Variants in MAP4 observed in about 807,000 individuals in gnomAD.
The protein encoded by MAP4 is microtubule associated protein 4.
A neutral mutation model predicts 170.2 loss-of-function variants in MAP4; 76 were observed. That is an observed-to-expected ratio of 0.45 (90% CI 0.37 to 0.54). The LOEUF (loss-of-function observed/expected upper bound fraction) is 0.54. MAP4 is among the 20% of genes least tolerant of loss of function. The pLI, the probability that MAP4 is intolerant of heterozygous loss-of-function variation, is 0.00. For missense variants in MAP4, 2,506 were observed against 2,748.0 expected (o/e 0.91, Z 1.97); for synonymous variants, 909 against 994.5 (o/e 0.91, Z 1.62).
At chr3:48,006,660 A>G (rs2100102490) in intron 1 of MAP4, among the ~76,000 whole-genome samples, 2 of 152,310 alleles carry the variant, frequency 1.3e-5, no homozygotes, top group African/African-American at 2.4e-5. Flanking sequence ...ATCAAAAACA[A>G]TATCACATCC....
chr3:47,975,442 A>ACTGGTCTG (rs1215863096), intron 3 of MAP4: 3 of 1,568,966 alleles, frequency 1.9e-6, no homozygotes, highest in Non-Finnish European at 2.6e-6. Context: ...CAGCAGCCCC[A>ACTGGTCTG]GTGTTGAGAG....
intron 1 of MAP4, among the ~76,000 whole-genome samples, chr3:48,088,414 C>T (rs2100150515): frequency 6.6e-6 from 1 of 152,178 alleles, no homozygotes; most frequent in Non-Finnish European, 1.5e-5. Context: ...CACCTCCGAA[C>T]CCCACCCAGG....
At chr3:47,879,150 T>C (rs959463820) in intron 10 of MAP4, among the ~76,000 whole-genome samples, 2 of 152,020 alleles carry the variant, frequency 1.3e-5, no homozygotes, top group African/African-American at 4.8e-5. Context: ...CTGGTTATTA[T>C]GGTAGAAATA....
At chr3:48,067,547 T>C (rs1172081333) in intron 1 of MAP4, among the ~76,000 whole-genome samples, 4 of 151,952 alleles carry the variant, frequency 2.6e-5, no homozygotes, top group African/African-American at 4.8e-5. Context: ...GGTTTAAAAA[T>C]ATAGAGGCGG....
intron 10 of MAP4, among the ~76,000 whole-genome samples, chr3:47,886,999 T>A (rs1395630362): frequency 6.6e-6 from 1 of 152,234 alleles, no homozygotes; most frequent in Non-Finnish European, 1.5e-5. Context: ...TCATAGGCAG[T>A]CACCACAGTT....
intron 9 of MAP4, among the ~76,000 whole-genome samples, chr3:47,904,234 T>C (rs1485251823): frequency 3.9e-5 from 6 of 152,218 alleles, no homozygotes; most frequent in Non-Finnish European, 5.9e-5. Context: ...AGTGTTATTT[T>C]ATGTGTGTGT....
At chr3:47,891,132 G>C in intron 10 of MAP4, 2 of 1,536,200 alleles carry the variant, frequency 1.3e-6, no homozygotes, top group Non-Finnish European at 8.7e-7. Flanking sequence ...TTCTCTCCTC[G>C]CTGGCAAACC....
At chr3:47,856,794 T>G (rs577190126) in intron 18 of MAP4, among the ~76,000 whole-genome samples, 5 of 152,358 alleles carry the variant, frequency 3.3e-5, no homozygotes, top group African/African-American at 4.8e-5. Flanking sequence ...ATACCAGGTC[T>G]GCCAGCCAGT....
chr3:47,959,183 TGGCCGG>T (rs2100069814), intron 3 of MAP4, among the ~76,000 whole-genome samples: 2 of 151,694 alleles, frequency 1.3e-5, no homozygotes, highest in Non-Finnish European at 2.9e-5. Context: ...TACATGAAGG[TGGCCGG>T]GTGTGGTAAC....
chr3:48,048,889 G>T (rs1176725753), intron 1 of MAP4, among the ~76,000 whole-genome samples: 1 of 152,068 alleles, frequency 6.6e-6, no homozygotes, highest in Non-Finnish European at 1.5e-5. Context: ...TCAAGATACA[G>T]AACTGTTCTG....
At chr3:47,890,794 A>C (rs1000377012) in intron 10 of MAP4, among the ~76,000 whole-genome samples, 2 of 152,150 alleles carry the variant, frequency 1.3e-5, no homozygotes, top group Admixed American at 6.5e-5. Context: ...CACTCAATTC[A>C]CATTATCTGT....
intron 1 of MAP4, among the ~76,000 whole-genome samples, chr3:48,065,708 A>G (rs1579743236): frequency 6.6e-6 from 1 of 152,236 alleles, no homozygotes; most frequent in Non-Finnish European, 1.5e-5. Context: ...TAAGCCAATG[A>G]CTGTCAAGTC....
At position 47,909,818 on chromosome 3, in the gene MAP4, C is replaced by T; in HGVS notation, c.4603G>A (p.Asp1535Asn). The change falls in exon 9 of 21, where the codon GAT becomes AAT. Residue 1535 changes from aspartate (D) to asparagine (N), a missense_variant. Around this residue, in one of 3 missense-constraint regions of MAP4, gnomAD observed 2,008 missense variants for 2,206.0 expected, o/e 0.91. Transcript: ENST00000683076. Reference protein sequence around the residue: ...HSLKNKAELADSMKNEAGIDE... With the variant: ...HSLKNKAELANSMKNEAGIDE... ...ATCCCTGCTTCATTTTTCATGGAAT[C>T]AGCAAGCTCAGCTTTATTCTTAAGA... 1.2e-6 allele frequency: 2 copies of T among 1,614,030 alleles called. No homozygotes were observed. Among genetic ancestry groups the T allele is most frequent in the Non-Finnish European group, 1.7e-6 (2 of 1,179,886 alleles).
At chr3:47,934,707 G>A (rs1559514440) in intron 3 of MAP4, among the ~76,000 whole-genome samples, 1 of 151,910 alleles carries the variant, frequency 6.6e-6, no homozygotes, top group Non-Finnish European at 1.5e-5. Context: ...TTGTTTTTTT[G>A]TTTTTTTCCC....
chr3:47,912,343 G>A lies in MAP4; in HGVS notation c.2078C>T (p.Pro693Leu). The A allele has an allele frequency of 1.3e-6, 2 of 1,536,026 alleles. No homozygotes were observed. Among genetic ancestry groups the A allele is most frequent in the Admixed American group, 3.9e-5 (2 of 50,990 alleles). Residue 693 changes from proline to leucine, a missense_variant, in exon 9 of 21, where the codon CCC (proline) becomes CTC (leucine). Pro to Leu is a moderately conservative substitution (Grantham distance 98). Transcript: ENST00000683076. Reference sequence around the variant, plus strand: ...CTCAGGAGGGACCCTGGCAGGCTTGGGCCGGGTTGACCTGCGGTCACTGGG... The same window carrying A: ...CTCAGGAGGGACCCTGGCAGGCTTGAGCCGGGTTGACCTGCGGTCACTGGG... ...CRPSDRRSTR[P>L]KPARVPPELL...
At chr3:47,917,494 G>C (rs1413784022) in intron 6 of MAP4, among the ~76,000 whole-genome samples, 1 of 151,250 alleles carries the variant, frequency 6.6e-6, no homozygotes, top group Non-Finnish European at 1.5e-5. Flanking sequence ...GCTGAAGCAG[G>C]AGAATTGCTA....
chr3:48,064,514 C>G (rs76189601), intron 1 of MAP4, among the ~76,000 whole-genome samples: 1 of 152,210 alleles, frequency 6.6e-6, no homozygotes, highest in Middle Eastern at 3.4e-3. Context: ...AATAATAAAA[C>G]TCTGGTCTCC....
At chr3:47,920,922 C>G (rs1207411352) in intron 5 of MAP4, among the ~76,000 whole-genome samples, 2 of 152,140 alleles carry the variant, frequency 1.3e-5, no homozygotes, top group Admixed American at 6.6e-5. Context: ...CTTTGGGAGG[C>G]TGAAGCGGGT....
chr3:48,077,076 G>T (rs751785872), intron 1 of MAP4, among the ~76,000 whole-genome samples: 2 of 152,032 alleles, frequency 1.3e-5, no homozygotes, highest in African/African-American at 2.4e-5. Flanking sequence ...GAGCCCTGGA[G>T]GTCAAGGCTG....
Sources: allele counts gnomAD v4.1 joint callset (sites outside exome capture counted in the v4.1 genomes callset), GRCh38; gene constraint gnomAD v4.1.1; regional missense constraint gnomAD v4.1.1; transcripts MANE v1.5; gene names NCBI Gene and HGNC (gene_info 2026-07-23, HGNC 2026-07-21).